Variants in PRKACB observed in about 807,000 individuals in gnomAD.
PRKACB encodes protein kinase cAMP-activated catalytic subunit beta.
Under a neutral mutation model 51.4 loss-of-function variants are expected in PRKACB, and 16 were observed. That is an observed-to-expected ratio of 0.31 (90% CI 0.21 to 0.47). The LOEUF (loss-of-function observed/expected upper bound fraction) is 0.47. PRKACB is among the 20% of genes least tolerant of loss of function. The pLI is 1.00. For missense variants in PRKACB, 309 were observed against 464.5 expected (o/e 0.67, Z 3.08); for synonymous variants, 147 against 154.4 (o/e 0.95, Z 0.35).
rs547144677 is a variant in PRKACB at position 84,131,904 on chromosome 1, G to A, written c.47-47273G>A. Among the ~76,000 whole-genome samples, 12 of 152,318 alleles carry A rather than the reference G, an allele frequency of 7.9e-5. No homozygotes were observed. The East Asian group carries it at 1.9e-3, about 24-fold the overall frequency. ...ATCAGGTACTTCATATTCTGATGAA[G>A]ATCCTGGAAAAGGTCCCCTCGTAGT... On this transcript the variant is annotated intron_variant, in intron 1 of 8. Transcript: ENST00000370688.
At chr1:84,078,895 G>C (rs1466701600) in intron 1 of PRKACB, among the ~76,000 whole-genome samples, 1 of 152,160 alleles carries the variant, frequency 6.6e-6, no homozygotes, top group East Asian at 1.9e-4. Context: ...CATCTCTTCA[G>C]ATTAGGAATG....
At chr1:84,087,814 C>T (rs980549660) in intron 1 of PRKACB, among the ~76,000 whole-genome samples, 1 of 152,034 alleles carries the variant, frequency 6.6e-6, no homozygotes, top group Admixed American at 6.5e-5. Flanking sequence ...ATTGTTTCCC[C>T]GATATGGTGG....
At chr1:84,092,994 C>T (rs1227670056) in intron 1 of PRKACB, among the ~76,000 whole-genome samples, 1 of 151,764 alleles carries the variant, frequency 6.6e-6, no homozygotes, top group Non-Finnish European at 1.5e-5. Flanking sequence ...GGATTTTCCC[C>T]CCAGACGTAT....
rs1223306891 is a variant in PRKACB at position 84,184,036 on chromosome 1, G to C, written c.379-1G>C. 6.4e-7 allele frequency: 1 copy of C among 1,571,904 alleles called. No homozygotes were observed. Among genetic ancestry groups the C allele is most frequent in the Non-Finnish European group, 8.6e-7 (1 of 1,162,252 alleles). ...AAGAGATATTTATCTCTCAATTACA[G>C]GTTGTTAAACTGAAGCAAATAGAGC... On this transcript the variant is annotated splice_acceptor_variant, in intron 3 of 9. Transcript: ENST00000370685. LOFTEE classifies it high-confidence loss of function.
At chr1:84,078,712 C>G (rs1374560790) in intron 1 of PRKACB, among the ~76,000 whole-genome samples, 1 of 152,202 alleles carries the variant, frequency 6.6e-6, no homozygotes, top group Non-Finnish European at 1.5e-5. Context: ...CCCACCCCTG[C>G]TTTCCCCCCT....
intron 1 of PRKACB, among the ~76,000 whole-genome samples, chr1:84,089,365 T>C (rs1571533791): frequency 6.6e-6 from 1 of 152,140 alleles, no homozygotes; most frequent in Non-Finnish European, 1.5e-5. Flanking sequence ...CATTTACATA[T>C]CAAAATTATA....
intron 8 of PRKACB, 41 bp from the exon 9 acceptor site, chr1:84,214,112 G>A: frequency 1.9e-6 from 3 of 1,552,098 alleles, no homozygotes; most frequent in Non-Finnish European, 1.7e-6. Context: ...AATATCATGA[G>A]TCTTAGAATG....
intron 8 of PRKACB, among the ~76,000 whole-genome samples, chr1:84,212,688 T>C (rs374217103): frequency 5.0e-4 from 76 of 152,260 alleles, no homozygotes; most frequent in African/African-American, 1.7e-3. Context: ...CCATATTCAC[T>C]GAATTTGTCC....
intron 1 of PRKACB, chr1:84,157,432 C>T (rs1208412699): frequency 1.3e-5 from 2 of 151,972 alleles, no homozygotes; most frequent in South Asian, 2.1e-4. Flanking sequence ...ATATAAATCA[C>T]TCATTATAAG....
chr1:84,216,905 G>A (rs1022091084), intron 9 of PRKACB, among the ~76,000 whole-genome samples: 5 of 152,026 alleles, frequency 3.3e-5, no homozygotes, highest in Non-Finnish European at 5.9e-5. Context: ...ACAATAAATT[G>A]TTTCACAAGA....
Position 84,235,648 on chromosome 1 carries a change from A to G in PRKACB, c.*343A>G, listed in dbSNP as rs1676598280. On this transcript the variant is annotated 3_prime_UTR_variant, in exon 10 of 10. Transcript: ENST00000370685. ...TATTTTGTTGGTGTTTCAGATGGGCAGTGTTATGGCTACGTGATATTTGAA... is the reference window on the plus strand; with the variant it reads ...TATTTTGTTGGTGTTTCAGATGGGCGGTGTTATGGCTACGTGATATTTGAA... 5.1e-6 allele frequency: 1 copy of G among 197,086 alleles called. No homozygotes were observed. The allele number at this position is 197,086 out of a possible 1,614,324, so 12.2% of individuals were successfully genotyped here. A position where few individuals can be genotyped will look rare whatever the true frequency, so the allele number is the denominator to read the frequency against.
chr1:84,132,098 A>G (rs949395246), intron 1 of PRKACB, among the ~76,000 whole-genome samples: 1 of 152,126 alleles, frequency 6.6e-6, no homozygotes, highest in African/African-American at 2.4e-5. Context: ...TCAGTGGGGG[A>G]AAATGTATAC....
chr1:84,232,187 T>A (rs12074841), intron 9 of PRKACB, among the ~76,000 whole-genome samples: 13,401 of 152,040 alleles, frequency 0.088, 698 homozygotes, highest in Middle Eastern at 0.14. Flanking sequence ...TACCCAGTAG[T>A]CATTCAGGAG....
rs996338502 is a variant in PRKACB, at chr1:84,235,696, A to T, written c.*391A>T. 6.3e-6 allele frequency: 1 copy of T among 158,294 alleles called. No individual in the cohort carries two copies. Among genetic ancestry groups the T allele is most frequent in the Non-Finnish European group, 1.4e-5 (1 of 72,114 alleles). The allele number at this position is 158,294 out of a possible 1,614,324, so 9.8% of individuals were successfully genotyped here. ...GAAGGGAAGGATAAGTGTTGCTTTC[A>T]GTAGTTATTGCCAATATTGTTGTTG... On this transcript the variant is annotated 3_prime_UTR_variant, in exon 10 of 10. Coordinates refer to ENST00000370685, the MANE Select transcript of PRKACB (RefSeq NM_182948.4).
chr1:84,158,174 A>G (rs746425559), intron 1 of PRKACB, among the ~76,000 whole-genome samples: 1 of 151,738 alleles, frequency 6.6e-6, no homozygotes, highest in Non-Finnish European at 1.5e-5. Flanking sequence ...AGTAGCTGGC[A>G]TTACAGGCAT....
At chr1:84,179,070 A>G (rs3729863) in intron 1 of PRKACB, 107 bp from the exon 2 acceptor site, 142 of 1,254,998 alleles carry the variant, frequency 1.1e-4, no homozygotes, top group Non-Finnish European at 1.5e-4. Context: ...ATCACAATAG[A>G]TGACATGTCT....
chr1:84,191,187 TTAAGGACCACTTGTAAGG>T, intron 5 of PRKACB, among the ~76,000 whole-genome samples: 1 of 152,258 alleles, frequency 6.6e-6, no homozygotes, highest in African/African-American at 2.4e-5. Flanking sequence ...TAGGACTCCC[TTAAGGACCACTTGTAAGG>T]CTGATCTGGT....
At chr1:84,106,934 G>A (rs1348529898) in intron 1 of PRKACB, among the ~76,000 whole-genome samples, 2 of 151,762 alleles carry the variant, frequency 1.3e-5, no homozygotes, top group Non-Finnish European at 2.9e-5. Flanking sequence ...AGAATAGAGA[G>A]CCCAGAAATG....
chr1:84,190,104 A>ATT (rs1666312157), intron 5 of PRKACB, among the ~76,000 whole-genome samples: 1 of 151,780 alleles, frequency 6.6e-6, no homozygotes, highest in Non-Finnish European at 1.5e-5. Flanking sequence ...CACCTAATAT[A>ATT]CTTTTCATAC....
Sources: gnomAD v4.1 joint callset for allele counts (sites outside exome capture counted in the v4.1 genomes callset) on GRCh38, gnomAD v4.1.1 for gene constraint, MANE v1.5 for transcripts, NCBI Gene and HGNC (gene_info 2026-07-23, HGNC 2026-07-21) for gene names.